TXLNG: variants seen among roughly 807,000 people sequenced by gnomAD.
TXLNG encodes the protein gamma-taxilin.
A neutral mutation model predicts 38.8 loss-of-function variants in TXLNG; 5 were observed. The ratio of observed to expected loss-of-function variants is 0.13; its 90% CI spans 0.07 to 0.27. The LOEUF is 0.27. Among genes scored for constraint, TXLNG ranks in the 10% least tolerant of loss-of-function variants. TXLNG has a pLI of 1.00. For synonymous variants in TXLNG, 182 were observed against 158.2 expected, an observed-to-expected ratio of 1.15 and a Z score of -1.13; for missense variants, 393 against 398.2, an observed-to-expected ratio of 0.99 and a Z score of 0.11.
Position 16,828,284 on chromosome X carries a change from T to C in TXLNG, c.669+20T>C. Reference sequence around the variant, plus strand: ...TTAAAGGTTAGTTGCTTCATTTGTCTGTTTTTTTCAGGAGGGACTTATCTG... The same window carrying C: ...TTAAAGGTTAGTTGCTTCATTTGTCCGTTTTTTTCAGGAGGGACTTATCTG... On this transcript the variant is annotated intron_variant, in intron 4 of 9. Transcript: ENST00000380122. 8.5e-7 allele frequency: 1 copy of C among 1,177,768 alleles called. No individual in the cohort carries two copies.
rs1929870047 is a variant in TXLNG at position 16,842,083 on chromosome X, A to G, written c.*317A>G. On this transcript the variant is annotated 3_prime_UTR_variant, in exon 10 of 10. Transcript: ENST00000380122. ...GAAAATTTCACTGACAGGGCCGACC[A>G]TTACAAGGGAACTTTGTTCTGACGA... 1 of 193,484 alleles carries G rather than the reference A, an allele frequency of 5.2e-6. No homozygotes were observed. The highest frequency in any genetic ancestry group is 3.0e-5 in the African/African-American group (1 of 33,419). 15.9% of individuals were successfully genotyped at this position (193,484 alleles called of 1,213,427 possible). A position where few individuals can be genotyped will look rare whatever the true frequency, so the allele number is the denominator to read the frequency against.
intron 3 of TXLNG, among the ~76,000 whole-genome samples, chrX:16,823,452 CTG>C (rs1929049597): frequency 1.4e-4 from 8 of 56,663 alleles, no homozygotes; most frequent in Non-Finnish European, 2.3e-4. Flanking sequence ...GAGTGAAACT[CTG>C]TCTCAAAAAA....
intron 1 of TXLNG, among the ~76,000 whole-genome samples, chrX:16,810,106 T>C (rs1928462059): frequency 1.8e-5 from 2 of 112,042 alleles, no homozygotes; most frequent in African/African-American, 6.5e-5. Context: ...ATCTCTAAAA[T>C]GGAGAAAATA....
intron 3 of TXLNG, among the ~76,000 whole-genome samples, chrX:16,825,409 A>G (rs1426718766): frequency 8.9e-6 from 1 of 112,728 alleles, no homozygotes; most frequent in Admixed American, 9.4e-5. Flanking sequence ...CGTGTATACC[A>G]GGAAACACAT....
chrX:16,834,150 G>A, intron 6 of TXLNG, 133 bp from the exon 7 acceptor site: 1 of 464,567 alleles, frequency 2.2e-6, no homozygotes, highest in South Asian at 4.9e-5. Flanking sequence ...GGCAATTTGT[G>A]GAACAGACTG....
At chrX:16,820,401 G>T (rs1257988228) in intron 3 of TXLNG, 146 bp downstream of exon 3, 4 of 468,077 alleles carry the variant, frequency 8.5e-6, no homozygotes, top group Non-Finnish European at 1.4e-5. Flanking sequence ...AATCTGTTTT[G>T]TTGGGGCTTT....
chrX:16,841,319 G>A (rs979297211), intron 9 of TXLNG, 109 bp from the exon 10 acceptor site: 4 of 646,461 alleles, frequency 6.2e-6, no homozygotes, highest in African/African-American at 2.2e-5. Flanking sequence ...CTGAAGAGAC[G>A]GAACATGTTC....
At chrX:16,832,812 A>G (rs1484212763) in intron 6 of TXLNG, 70 bp downstream of exon 6, 42 of 1,116,935 alleles carry the variant, frequency 3.8e-5, no homozygotes, top group Non-Finnish European at 4.6e-5. Flanking sequence ...GAAACATCAA[A>G]TTGTAACCAA....
chrX:16,787,378 CCT>C (rs72320641), intron 1 of TXLNG, among the ~76,000 whole-genome samples: 25,530 of 110,791 alleles, frequency 0.23, 2,692 homozygotes, highest in East Asian at 0.43. Context: ...TCTTTTTTCC[CCT>C]CTTTTTTTTC....
chrX:16,840,470 T>A (rs1216974004), intron 9 of TXLNG: 1 of 753,040 alleles, frequency 1.3e-6, no homozygotes, highest in African/African-American at 2.3e-5. Flanking sequence ...CTGGGGCACA[T>A]GTGTACAAGA....
At chrX:16,788,980 A>T (rs1312840964) in intron 1 of TXLNG, among the ~76,000 whole-genome samples, 6 of 112,163 alleles carry the variant, frequency 5.3e-5, no homozygotes, top group African/African-American at 1.9e-4. Context: ...AAATTTTTTT[A>T]AAAATCATTT....
chrX:16,832,586 T>C lies in TXLNG; in HGVS notation c.865-37T>C, dbSNP rs768399768. On this transcript the variant is annotated intron_variant, in intron 5 of 9. Coordinates refer to ENST00000380122, the MANE Select transcript of TXLNG (RefSeq NM_018360.3). ...TTTCCTCCCCACTGTGTTCCTTTCT[T>C]TGGTGAGTGATGGAAGAAACTCTCC... is the stretch of plus-strand genomic sequence containing the variant. 2.5e-6 allele frequency: 3 copies of C among 1,208,487 alleles called. No homozygotes were observed. In the African/African-American group the frequency reaches 5.2e-5, roughly 21 times the overall value.
At chrX:16,796,441 T>C (rs1329111658) in intron 1 of TXLNG, among the ~76,000 whole-genome samples, 2 of 112,009 alleles carry the variant, frequency 1.8e-5, no homozygotes, top group Non-Finnish European at 3.8e-5. Flanking sequence ...AATTACCTTA[T>C]CACTGAGGCT....
At chrX:16,830,830 C>CGTGTGT (rs1186714021) in intron 5 of TXLNG, among the ~76,000 whole-genome samples, 926 of 37,918 alleles carry the variant, frequency 0.024, 76 homozygotes, top group African/African-American at 0.053. Context: ...ACCGTAATTC[C>CGTGTGT]GTGTGTGTGT....
chrX:16,807,510 G>A (rs1203691612), intron 1 of TXLNG, among the ~76,000 whole-genome samples: 2 of 111,229 alleles, frequency 1.8e-5, no homozygotes, highest in Non-Finnish European at 1.9e-5. Flanking sequence ...ATCTCGTCAA[G>A]TCTCATTTTC....
At chrX:16,789,536 G>C (rs758803905) in intron 1 of TXLNG, among the ~76,000 whole-genome samples, 10 of 106,215 alleles carry the variant, frequency 9.4e-5, no homozygotes, top group Non-Finnish European at 1.7e-4. Context: ...AGCAGATCTA[G>C]AATATTTTCA....
At chrX:16,829,810 A>G in intron 5 of TXLNG, 40 bp downstream of exon 5, 1 of 1,163,453 alleles carries the variant, frequency 8.6e-7, no homozygotes, top group Non-Finnish European at 1.2e-6. Flanking sequence ...TCTCAAGATT[A>G]GCAAAAGTGT....
At position 16,818,730 on chromosome X, in the gene TXLNG, G is replaced by C; in HGVS notation, c.259G>C (p.Asp87His). Residue 87 changes from aspartate to histidine, a missense_variant, in exon 2 of 10, where the codon GAC becomes CAC. Asp to His is a moderately conservative substitution (Grantham distance 81). Coordinates refer to ENST00000380122, the MANE Select transcript of TXLNG (RefSeq NM_018360.3). ...TTCATTGGAAGAGGATGAAGGCAGT[G>C]ACTTTATAACAGAGAACAGGAATTT... ...KHSLEEDEGS[D>H]FITENRNLVS... is the part of the protein sequence containing the mutation. The C allele has an allele frequency of 8.3e-7, 1 of 1,211,923 alleles. No homozygotes were observed. The highest frequency in any genetic ancestry group is 1.1e-6 in the Non-Finnish European group (1 of 895,609).
chrX:16,825,309 A>G (rs746766661), intron 3 of TXLNG, among the ~76,000 whole-genome samples: 13 of 112,015 alleles, frequency 1.2e-4, no homozygotes, highest in African/African-American at 1.6e-4. Context: ...GGGAATATCA[A>G]TTCACCATTG....
Sources: gnomAD v4.1 joint callset for allele counts (sites outside exome capture counted in the v4.1 genomes callset) on GRCh38, gnomAD v4.1.1 for gene constraint, MANE v1.5 for transcripts, NCBI Gene and HGNC (gene_info 2026-07-23, HGNC 2026-07-21) for gene names.